The following HHLA1 variants were observed in gnomAD, a reference collection of about 807,000 sequenced individuals.
The protein encoded by HHLA1 is HERV-H LTR-associating protein 1.
In HHLA1, 72 loss-of-function variants were observed where a neutral mutation model predicts 69.9. The observed-to-expected ratio is 1.03, with a 90% CI of 0.85 to 1.25. The LOEUF (loss-of-function observed/expected upper bound fraction) is 1.25. Ranked by LOEUF, HHLA1 falls within the 50% of genes most tolerant of loss-of-function variation. The pLI is 0.00. For missense variants in HHLA1, 685 were observed against 642.2 expected, an observed-to-expected ratio of 1.07 and a Z score of -0.72; for synonymous variants, 252 against 233.2, an observed-to-expected ratio of 1.08 and a Z score of -0.73.
chr8:132,069,602 A>T (rs1198536411), intron 15 of HHLA1: 1 of 152,174 alleles, frequency 6.6e-6, no homozygotes, highest in African/African-American at 2.4e-5. Flanking sequence ...TCATTTATTC[A>T]TTCAGCTATT....
chr8:132,070,690 ACTCAACTCAT>A (rs1216883285), intron 15 of HHLA1, among the ~76,000 whole-genome samples: 1 of 151,766 alleles, frequency 6.6e-6, no homozygotes, highest in African/African-American at 2.4e-5. Context: ...TCCCAACTCA[ACTCAACTCAT>A]CTCAACTCAA....
At chr8:132,107,654 G>A (rs758917584) in intron 1 of HHLA1, among the ~76,000 whole-genome samples, 1 of 152,122 alleles carries the variant, frequency 6.6e-6, no homozygotes, top group Non-Finnish European at 1.5e-5. Context: ...ACTGTTCTTG[G>A]AGAAAAATGC....
chr8:132,075,974 A>G (rs1329965065), intron 14 of HHLA1, 81 bp downstream of exon 14: 1 of 1,091,426 alleles, frequency 9.2e-7, no homozygotes, highest in Non-Finnish European at 1.3e-6. Context: ...AAATTTACCG[A>G]ACAAACCTCT....
chr8:132,071,512 G>C lies in HHLA1; in HGVS notation c.1316-19C>G, dbSNP rs1823544542. 2.6e-6 allele frequency: 4 copies of C among 1,549,798 alleles called. No homozygotes were observed. Among genetic ancestry groups the C allele is most frequent in the Non-Finnish European group, 3.5e-6 (4 of 1,146,046 alleles). On this transcript the variant is annotated intron_variant, in intron 14 of 16. Coordinates refer to ENST00000414222, the MANE Select transcript of HHLA1 (RefSeq NM_001145095.3). ...GGACACCCTAGAAGATGCAATCCCA[G>C]ACCAATTAAATCAGTAAGAGTTTAG...
At chr8:132,089,685 T>C in intron 7 of HHLA1, 86 bp from the exon 8 acceptor site, 1 of 729,774 alleles carries the variant, frequency 1.4e-6, no homozygotes, top group South Asian at 1.5e-5. Flanking sequence ...TCAGAGTAAA[T>C]TTTACAAGTT....
At chr8:132,087,551 T>G in intron 10 of HHLA1, 102 bp downstream of exon 10, 1 of 701,704 alleles carries the variant, frequency 1.4e-6, no homozygotes, top group East Asian at 2.7e-5. Flanking sequence ...TAATACAGTA[T>G]AGCGAAACAC....
chr8:132,074,742 A>G (rs150247348), intron 14 of HHLA1, among the ~76,000 whole-genome samples: 18 of 152,338 alleles, frequency 1.2e-4, no homozygotes, highest in African/African-American at 4.1e-4. Flanking sequence ...GTTAAGAAAT[A>G]AAGATAACCA....
rs533647517 is a variant in HHLA1 at position 132,079,801 on chromosome 8, G to T, written c.842C>A (p.Thr281Asn). The change falls in exon 11 of 17, where the codon ACC becomes AAC. Residue 281 changes from threonine to asparagine, a missense_variant. Thr to Asn is a moderately conservative substitution (Grantham distance 65, BLOSUM62 0). Transcript: ENST00000414222. The stretch of plus-strand genomic sequence containing the variant: ...CTCAGGAGGCCTGCCTGTGTTCAGG[G>T]TCTCCTCTGTTTCTGAAGGAGCAGC... ...ETAAPSETEE[T>N]LNTGRPPELP... The T allele has an allele frequency of 1.9e-6, 3 of 1,551,722 alleles. No homozygotes were observed. Among genetic ancestry groups the T allele is most frequent in the Admixed American group, 2.0e-5 (1 of 51,014 alleles).
rs56044123 is a variant in HHLA1 at position 132,088,541 on chromosome 8, C to T, written c.533-640G>A. The stretch of plus-strand genomic sequence containing the variant: ...ACGATGCTGCCTAAAGAACTGTGGA[C>T]ATGGGGTTGCATGTCTCTCATAGGA... On this transcript the variant is annotated intron_variant, in intron 8 of 16. Coordinates refer to ENST00000414222, the MANE Select transcript of HHLA1 (RefSeq NM_001145095.3). Among the ~76,000 whole-genome samples, 1,070 of 152,196 alleles carry T rather than the reference C, an allele frequency of 7.0e-3. 9 individuals are homozygous for T. The highest frequency in any genetic ancestry group is 0.011 in the Non-Finnish European group (763 of 68,016).
chr8:132,097,840 T>C (rs1433689056), intron 5 of HHLA1, among the ~76,000 whole-genome samples: 1 of 152,218 alleles, frequency 6.6e-6, no homozygotes, highest in Non-Finnish European at 1.5e-5. Context: ...GATGGGTCAA[T>C]GTCTAAGTGA....
chr8:132,077,901 C>CACGG lies in HHLA1; in HGVS notation c.992_995dup (p.Pro333ArgfsTer9). 6.4e-7 allele frequency: 1 copy of CACGG among 1,551,574 alleles called. No homozygotes were observed. Among genetic ancestry groups the CACGG allele is most frequent in the Non-Finnish European group, 8.7e-7 (1 of 1,146,954 alleles). ...TCTCACTGATGGTCTGAGCCCAGGG[C>CACGG]ACGGACGATATGGAAGCCCACGTCT... On this transcript the variant is annotated frameshift_variant, in exon 12 of 17. Transcript: ENST00000414222. LOFTEE classifies it high-confidence loss of function.
chr8:132,093,894 G>C (rs943175693), intron 7 of HHLA1, among the ~76,000 whole-genome samples: 1 of 152,052 alleles, frequency 6.6e-6, no homozygotes, highest in African/African-American at 2.4e-5. Flanking sequence ...AATTACATAA[G>C]ATAATAGACA....
rs1294277660 is a variant in HHLA1 at position 132,095,746 on chromosome 8, GTAGGAAGTGA to G, written c.311_320del (p.Val104AlafsTer11). 2.6e-6 allele frequency: 4 copies of G among 1,551,354 alleles called. No homozygotes were observed. The highest frequency in any genetic ancestry group is 3.9e-5 in the Admixed American group (2 of 50,942). On this transcript the variant is annotated frameshift_variant, in exon 6 of 17. Coordinates refer to ENST00000414222, the MANE Select transcript of HHLA1 (RefSeq NM_001145095.3). LOFTEE classifies it high-confidence loss of function. ...AAAACTTGTGGAAGGCGAAGGAACTGTAGGAAGTGACACTCAGCAAGGAGAAGAACTTCTT... is the reference window on the plus strand; with the variant it reads ...AAAACTTGTGGAAGGCGAAGGAACTGCACTCAGCAAGGAGAAGAACTTCTT...
chr8:132,076,452 C>CCAA (rs1823643539), intron 13 of HHLA1, 23 bp downstream of exon 13: 1 of 1,484,190 alleles, frequency 6.7e-7, no homozygotes, highest in Non-Finnish European at 9.2e-7. Flanking sequence ...CCCAAACCCC[C>CCAA]ACTTCCGTAC....
At chr8:132,077,615 CT>C in intron 12 of HHLA1, 110 bp downstream of exon 12, 2 of 1,074,340 alleles carry the variant, frequency 1.9e-6, no homozygotes, top group Non-Finnish European at 2.7e-6. Flanking sequence ...ATTATGTTTT[CT>C]TAGTTTTCTG....
chr8:132,093,818 A>T (rs2436094), intron 7 of HHLA1, among the ~76,000 whole-genome samples: 13,465 of 152,188 alleles, frequency 0.088, 742 homozygotes, highest in South Asian at 0.23. Context: ...TGAAATGGTG[A>T]GAAAGGCATG....
Position 132,064,058 on chromosome 8 carries a change from A to G in HHLA1, c.1553-20T>C, listed in dbSNP as rs1823395405. On this transcript the variant is annotated intron_variant, in intron 16 of 16. Coordinates refer to ENST00000414222, the MANE Select transcript of HHLA1 (RefSeq NM_001145095.3). ...TTAAGGCTGAAAAAAAAGCAGAAGA[A>G]GAAGGAACTCAAGGTACTGAGATAT... The G allele has an allele frequency of 7.7e-7, 1 of 1,300,160 alleles. No homozygotes were observed. Among genetic ancestry groups the G allele is most frequent in the African/African-American group, 1.5e-5 (1 of 65,694 alleles). The allele number at this position is 1,300,160 out of a possible 1,614,324, so 80.5% of individuals were successfully genotyped here. A position where few individuals can be genotyped will look rare whatever the true frequency, so the allele number is the denominator to read the frequency against.
intron 15 of HHLA1, chr8:132,070,501 C>T (rs902871845): frequency 1.1e-5 from 7 of 637,026 alleles, no homozygotes; most frequent in Non-Finnish European, 2.0e-5. Context: ...CATAATTCTA[C>T]TTAACATGAC....
intron 15 of HHLA1, among the ~76,000 whole-genome samples, chr8:132,070,595 A>T (rs1823516340): frequency 6.6e-6 from 1 of 151,936 alleles, no homozygotes. Context: ...TCTCAACTCA[A>T]CTCAACTCAT....
Sources: gnomAD v4.1 joint callset for allele counts (sites outside exome capture counted in the v4.1 genomes callset) on GRCh38, gnomAD v4.1.1 for gene constraint, MANE v1.5 for transcripts, NCBI Gene and HGNC (gene_info 2026-07-23, HGNC 2026-07-21) for gene names.